The following LIMS4 variants were observed in gnomAD, a reference collection of about 807,000 sequenced individuals.
LIMS4 encodes LIM and senescent cell antigen-like-containing domain protein 4.
the LIMS4 span, among the ~76,000 whole-genome samples, chr2:110,418,696 C>A: frequency 1.4e-5 from 1 of 73,096 alleles, no homozygotes; most frequent in African/African-American, 7.6e-5. Flanking sequence ...TACTCTGTTG[C>A]CCAGGCTAGA....
the LIMS4 span, among the ~76,000 whole-genome samples, chr2:110,373,800 T>G: frequency 1.5e-4 from 23 of 148,546 alleles, no homozygotes; most frequent in Non-Finnish European, 2.6e-4. Flanking sequence ...CTTCCTGGCC[T>G]TTGTGCTCCC....
At chr2:110,369,530 T>C in the LIMS4 span, among the ~76,000 whole-genome samples, 1 of 138,838 alleles carries the variant, frequency 7.2e-6, no homozygotes, top group East Asian at 2.1e-4. Flanking sequence ...TGAACTGCAT[T>C]GGATCGAGGT....
the LIMS4 span, chr2:110,386,684 G>A: frequency 2.7e-5 from 20 of 752,738 alleles, no homozygotes; most frequent in African/African-American, 6.0e-5. Flanking sequence ...TGCAGCTCCC[G>A]CCACAGGAAT....
the LIMS4 span, among the ~76,000 whole-genome samples, chr2:110,382,085 A>T: frequency 1.0e-5 from 1 of 96,720 alleles, no homozygotes; most frequent in African/African-American, 4.9e-5. Flanking sequence ...AAAAAAAAAA[A>T]AAAAAAAAAA....
chr2:110,422,433 C>T, the LIMS4 span, among the ~76,000 whole-genome samples: 32 of 97,248 alleles, frequency 3.3e-4, no homozygotes, highest in Non-Finnish European at 3.6e-5. Flanking sequence ...TCCATCAAAA[C>T]CTCTCTGACC....
At chr2:110,383,036 G>T in the LIMS4 span, 1 of 44,066 alleles carries the variant, frequency 2.3e-5, no homozygotes, top group Non-Finnish European at 3.8e-5. Context: ...AAAGAGAAGC[G>T]CCCGGAAGTG....
the LIMS4 span, among the ~76,000 whole-genome samples, chr2:110,422,505 G>A: frequency 8.3e-6 from 1 of 120,754 alleles, no homozygotes; most frequent in Admixed American, 7.4e-5. Context: ...TTTTTAGATG[G>A]GGTCTTGCTC....
At chr2:110,422,428 C>A in the LIMS4 span, among the ~76,000 whole-genome samples, 3 of 84,904 alleles carry the variant, frequency 3.5e-5, no homozygotes, top group Non-Finnish European at 6.0e-5. Flanking sequence ...GTTTTTCCAT[C>A]AAAACCTCTC....
the LIMS4 span, among the ~76,000 whole-genome samples, chr2:110,368,422 AACT>A: frequency 3.4e-4 from 51 of 152,004 alleles, no homozygotes; most frequent in African/African-American, 1.2e-3. Context: ...ATGTACATAC[AACT>A]ACTTATATTT....
At chr2:110,411,277 T>G in the LIMS4 span, among the ~76,000 whole-genome samples, 1 of 122,998 alleles carries the variant, frequency 8.1e-6, no homozygotes, top group African/African-American at 3.6e-5. Flanking sequence ...TTTTTTTCAT[T>G]GAAAATCTTT....
the LIMS4 span, among the ~76,000 whole-genome samples, chr2:110,390,136 G>T: frequency 7.8e-6 from 1 of 127,548 alleles, no homozygotes; most frequent in Non-Finnish European, 1.6e-5. Flanking sequence ...GAAAGCCTCC[G>T]TTGCCCCAGC....
chr2:110,379,259 T>C, the LIMS4 span, among the ~76,000 whole-genome samples: 1 of 151,494 alleles, frequency 6.6e-6, no homozygotes, highest in Admixed American at 6.5e-5. Context: ...TGCTTGCTTG[T>C]TGGTTGATTG....
the LIMS4 span, among the ~76,000 whole-genome samples, chr2:110,390,837 C>T: frequency 7.9e-5 from 12 of 152,356 alleles, no homozygotes; most frequent in Non-Finnish European, 1.2e-4. Flanking sequence ...CCTCCAGGAG[C>T]GCACCATCTG....
the LIMS4 span, chr2:110,433,682 G>GA: frequency 8.2e-6 from 1 of 121,778 alleles, no homozygotes; most frequent in Admixed American, 8.6e-5. Flanking sequence ...TGGATTACCA[G>GA]AAAACTCTCT....
the LIMS4 span, chr2:110,360,851 GC>G: frequency 7.1e-7 from 1 of 1,414,730 alleles, no homozygotes. Flanking sequence ...ACAAAGAGGT[GC>G]CTGGACAGAG....
chr2:110,392,436 CAA>C, the LIMS4 span, among the ~76,000 whole-genome samples: 13 of 131,686 alleles, frequency 9.9e-5, no homozygotes, highest in African/African-American at 3.6e-4. Context: ...GAGTCCGTCT[CAA>C]AAAAAAAAAA....
At chr2:110,425,265 G>A in the LIMS4 span, among the ~76,000 whole-genome samples, 5 of 143,502 alleles carry the variant, frequency 3.5e-5, no homozygotes, top group Non-Finnish European at 7.4e-5. Context: ...CAAACCTATA[G>A]TGGGCTAGTC....
the LIMS4 span, among the ~76,000 whole-genome samples, chr2:110,389,861 A>G: frequency 1.4e-5 from 2 of 147,336 alleles, no homozygotes; most frequent in Admixed American, 1.3e-4. Context: ...CAGAACCATG[A>G]CCAGGGCCCA....
the LIMS4 span, chr2:110,362,673 CT>C: frequency 1.8e-6 from 1 of 562,260 alleles, no homozygotes; most frequent in Non-Finnish European, 3.3e-6. Flanking sequence ...AATGTGATCC[CT>C]GCATTGGCAG....
Sources: allele counts gnomAD v4.1 joint callset (sites outside exome capture counted in the v4.1 genomes callset), GRCh38; gene constraint gnomAD v4.1.1; transcripts MANE v1.5; gene names NCBI Gene and HGNC (gene_info 2026-07-23, HGNC 2026-07-21).